ACO2: variants seen among roughly 807,000 people sequenced by gnomAD.
The protein encoded by ACO2 is aconitate hydratase, mitochondrial.
Under a neutral mutation model 84.5 loss-of-function variants are expected in ACO2, and 31 were observed. The observed-to-expected ratio is 0.37, with a 90% CI of 0.28 to 0.50. ACO2 has a LOEUF of 0.50. ACO2 is among the 20% of genes least tolerant of loss of function. The pLI is 0.97. For missense variants in ACO2, 685 were observed against 1,029.3 expected (o/e 0.67, Z 4.58); for synonymous variants, 414 against 412.7 (o/e 1.00, Z -0.04).
At chr22:41,516,064 T>C in intron 6 of ACO2, 147 bp downstream of exon 6, 1 of 1,003,704 alleles carries the variant, frequency 1.0e-6, no homozygotes, top group Non-Finnish European at 1.5e-6. Flanking sequence ...AGAAGGAAAA[T>C]TGGAGACAGC....
intron 11 of ACO2, 105 bp from the exon 12 acceptor site, chr22:41,523,725 A>G (rs2066546777): frequency 3.9e-6 from 4 of 1,037,072 alleles, no homozygotes; most frequent in South Asian, 1.3e-5. Context: ...TTCCCTCGGT[A>G]GGAGCTAGGC....
At chr22:41,496,937 A>T (rs1264935669) in intron 1 of ACO2, among the ~76,000 whole-genome samples, 1 of 152,078 alleles carries the variant, frequency 6.6e-6, no homozygotes, top group Non-Finnish European at 1.5e-5. Context: ...CGTTTGGATT[A>T]TATATCCAGG....
intron 1 of ACO2, among the ~76,000 whole-genome samples, chr22:41,487,724 G>T (rs1250861224): frequency 6.6e-6 from 1 of 152,026 alleles, no homozygotes; most frequent in Non-Finnish European, 1.5e-5. Flanking sequence ...GCTCTAGAGG[G>T]CTGCTTATCT....
At chr22:41,485,966 A>G (rs1056159306) in intron 1 of ACO2, among the ~76,000 whole-genome samples, 31 of 152,020 alleles carry the variant, frequency 2.0e-4, no homozygotes, top group Middle Eastern at 3.2e-3. Flanking sequence ...CTCTGTGTGC[A>G]TGCTGTGTGT....
chr22:41,503,601 T>TG, intron 2 of ACO2, among the ~76,000 whole-genome samples: 1 of 152,294 alleles, frequency 6.6e-6, no homozygotes, highest in African/African-American at 2.4e-5. Context: ...AGTGCTGAGG[T>TG]GACAGGTGTG....
Position 41,523,208 on chromosome 22 carries a change from C to G in ACO2, c.1300C>G (p.Gln434Glu). ...RATIERDGYA[Q>E]ILRDLGGIVL... ...TGTCTTCCTCTCTCCCTGGCAGGCA[C>G]AGATCTTGAGGGATCTGGGTGGCAT... Residue 434 changes from glutamine (Q) to glutamate (E), a missense_variant, in exon 11 of 18, where the codon CAG becomes GAG. Coordinates refer to ENST00000216254, the MANE Select transcript of ACO2 (RefSeq NM_001098.3). The G allele has an allele frequency of 6.2e-7, 1 of 1,611,732 alleles. No homozygotes were observed. The highest frequency in any genetic ancestry group is 1.7e-5 in the Admixed American group (1 of 59,656).
chr22:41,515,425 G>T lies in ACO2; in HGVS notation c.574G>T (p.Asp192Tyr). ...CCCTGGTGTTCTTCTGATTGGCACT[G>T]ACTCCCACACCCCCAATGGTGGCGG... ...AYPGVLLIGT[D>Y]SHTPNGGGLG... Residue 192 changes from aspartate to tyrosine, a missense_variant, in exon 5 of 18, where the codon GAC (aspartate) becomes TAC (tyrosine). By Grantham distance (160) the Asp-to-Tyr change is radical. This residue lies in a region of ACO2 where 92 missense variants were observed against 203.7 expected (regional missense o/e 0.45). Coordinates refer to ENST00000216254, the MANE Select transcript of ACO2 (RefSeq NM_001098.3). The surrounding 1 kb of genome is among the most constrained non-coding windows in gnomAD (Gnocchi z 5.8). 1 of 1,613,634 alleles carries T rather than the reference G, an allele frequency of 6.2e-7. No homozygotes were observed. The highest frequency in any genetic ancestry group is 8.5e-7 in the Non-Finnish European group (1 of 1,179,960).
Position 41,515,653 on chromosome 22 carries a change from G to C in ACO2, c.685-114G>C. ...AACAAGTTAGACTCGAATCTTCTGG[G>C]AGGGAGGTAGAGACCAATAAGCAGC... On this transcript the variant is annotated intron_variant, in intron 5 of 17. Transcript: ENST00000216254. This position sits in a 1 kb window ranked among gnomAD's most constrained non-coding sequence, Gnocchi z 5.8. 1 of 1,589,082 alleles carries C rather than the reference G, an allele frequency of 6.3e-7. No homozygotes were observed. Among genetic ancestry groups the C allele is most frequent in the Non-Finnish European group, 8.6e-7 (1 of 1,164,742 alleles).
intron 1 of ACO2, among the ~76,000 whole-genome samples, chr22:41,479,234 C>T (rs1421176248): frequency 1.3e-5 from 2 of 152,256 alleles, no homozygotes; most frequent in Admixed American, 6.5e-5. Flanking sequence ...GTGTTTGGTC[C>T]GCCCACAGAC....
chr22:41,517,686 C>T (rs1601919647), intron 7 of ACO2, 55 bp downstream of exon 7: 1 of 1,471,786 alleles, frequency 6.8e-7, no homozygotes, highest in East Asian at 2.3e-5. Context: ...CCCGCTCCTC[C>T]CCAAGACAGA....
intron 6 of ACO2, among the ~76,000 whole-genome samples, chr22:41,516,610 TC>T (rs2066477579): frequency 6.6e-6 from 1 of 152,204 alleles, no homozygotes; most frequent in Non-Finnish European, 1.5e-5. Context: ...GGCCCATACC[TC>T]CGTCCTAGTG....
At chr22:41,501,301 C>G (rs2066352242) in intron 2 of ACO2, among the ~76,000 whole-genome samples, 1 of 152,210 alleles carries the variant, frequency 6.6e-6, no homozygotes, top group African/African-American at 2.4e-5. Flanking sequence ...GGTGCCTGGC[C>G]TAAGGTGGGA....
intron 8 of ACO2, 91 bp from the exon 9 acceptor site, chr22:41,520,080 T>G (rs1218643511): frequency 2.6e-5 from 30 of 1,137,812 alleles, no homozygotes; most frequent in Non-Finnish European, 6.4e-6. Context: ...GGCCTCTCTG[T>G]GGGGACGTGG....
intron 1 of ACO2, among the ~76,000 whole-genome samples, chr22:41,486,086 G>C (rs1211190703): frequency 6.6e-6 from 1 of 152,118 alleles, no homozygotes; most frequent in Non-Finnish European, 1.5e-5. Context: ...CTCATTCTCT[G>C]TGCTCCACTC....
intron 12 of ACO2, 95 bp from the exon 13 acceptor site, chr22:41,524,751 G>A: frequency 6.4e-7 from 1 of 1,571,126 alleles, no homozygotes; most frequent in East Asian, 2.3e-5. Context: ...AAATTTCCTG[G>A]GTTCCTTTCT....
intron 9 of ACO2, 48 bp downstream of exon 9, chr22:41,520,324 C>A: frequency 6.7e-7 from 1 of 1,499,080 alleles, no homozygotes; most frequent in Non-Finnish European, 9.3e-7. Flanking sequence ...GGGCCAGTGG[C>A]TCTGCCCAGG....
intron 6 of ACO2, chr22:41,516,124 G>A (rs1387330887): frequency 2.9e-6 from 2 of 696,478 alleles, no homozygotes; most frequent in Non-Finnish European, 4.9e-6. Flanking sequence ...AAGAGATTGA[G>A]ATACCTGTCG....
At chr22:41,486,454 C>T (rs1383220423) in intron 1 of ACO2, among the ~76,000 whole-genome samples, 9 of 150,852 alleles carry the variant, frequency 6.0e-5, no homozygotes, top group Admixed American at 3.3e-4. Flanking sequence ...CCACCACGCC[C>T]GGCTAACTTT....
At chr22:41,523,112 C>T in intron 10 of ACO2, 93 bp from the exon 11 acceptor site, 5 of 1,537,304 alleles carry the variant, frequency 3.3e-6, no homozygotes, top group South Asian at 1.2e-5. Context: ...CCTGGGGTTC[C>T]AGTACAGCAC....
Sources: allele counts gnomAD v4.1 joint callset (sites outside exome capture counted in the v4.1 genomes callset), GRCh38; gene constraint gnomAD v4.1.1; regional missense constraint gnomAD v4.1.1; non-coding constraint Gnocchi (gnomAD v3.1); transcripts MANE v1.5; gene names NCBI Gene and HGNC (gene_info 2026-07-23, HGNC 2026-07-21).